Variants in ZNF362 observed in about 807,000 individuals in gnomAD.
ZNF362 encodes zinc finger protein 362.
A neutral mutation model predicts 42.9 loss-of-function variants in ZNF362; 11 were observed. The observed-to-expected ratio is 0.26, with a 90% CI of 0.16 to 0.42. The LOEUF (loss-of-function observed/expected upper bound fraction) is 0.42. ZNF362 is among the 20% of genes least tolerant of loss of function. ZNF362 has a pLI of 1.00. For synonymous variants in ZNF362, 255 were observed against 257.3 expected, an observed-to-expected ratio of 0.99 and a Z score of 0.09; for missense variants, 362 against 576.2, an observed-to-expected ratio of 0.63 and a Z score of 3.81.
At chr1:33,184,509 C>T in the ZNF362 span, among the ~76,000 whole-genome samples, 99 of 152,192 alleles carry the variant, frequency 6.5e-4, no homozygotes, top group African/African-American at 2.3e-3. Context: ...AGAAATAGAC[C>T]TTAAGGCATG....
At chr1:33,222,491 A>G in the ZNF362 span, among the ~76,000 whole-genome samples, 9 of 152,306 alleles carry the variant, frequency 5.9e-5, no homozygotes, top group South Asian at 8.3e-4. Context: ...CATTCGCCAG[A>G]GTGATCTTTT....
chr1:33,193,004 C>CACACACACATATATATATATATATATAT, the ZNF362 span, among the ~76,000 whole-genome samples: 2 of 137,202 alleles, frequency 1.5e-5, no homozygotes, highest in Non-Finnish European at 3.2e-5. Flanking sequence ...CACACACACA[C>CACACACACATATATATATATATATATAT]ATATATATAT....
the ZNF362 span, among the ~76,000 whole-genome samples, chr1:33,183,152 TG>T: frequency 6.6e-6 from 1 of 151,914 alleles, no homozygotes; most frequent in Non-Finnish European, 1.5e-5. Flanking sequence ...GCCTCAGCAG[TG>T]GGTAAGGAGA....
chr1:33,144,135 CTTTTTTTT>C, the ZNF362 span, among the ~76,000 whole-genome samples: 33 of 146,514 alleles, frequency 2.3e-4, no homozygotes, highest in Non-Finnish European at 4.2e-4. Context: ...AATGTTACTT[CTTTTTTTT>C]TTTTTTTTTT....
At chr1:33,268,033 A>G (rs1645876581) in intron 1 of ZNF362, among the ~76,000 whole-genome samples, 2 of 152,106 alleles carry the variant, frequency 1.3e-5, no homozygotes, top group South Asian at 4.1e-4. Context: ...GCATTTTCTT[A>G]TTTCTTTTTC....
intron 6 of ZNF362, among the ~76,000 whole-genome samples, chr1:33,283,121 C>T (rs1244625956): frequency 6.6e-6 from 1 of 151,998 alleles, no homozygotes; most frequent in Non-Finnish European, 1.5e-5. Flanking sequence ...AGGACTAATA[C>T]TATACAGAAG....
At chr1:33,201,852 T>C in the ZNF362 span, among the ~76,000 whole-genome samples, 2 of 152,182 alleles carry the variant, frequency 1.3e-5, no homozygotes, top group Admixed American at 6.5e-5. Flanking sequence ...ACCAGTAAAA[T>C]TGACAAATCT....
the ZNF362 span, among the ~76,000 whole-genome samples, chr1:33,219,916 C>T: frequency 6.6e-6 from 1 of 152,206 alleles, no homozygotes; most frequent in African/African-American, 2.4e-5. Context: ...CCCCAACTCC[C>T]CCTAGATACC....
the ZNF362 span, among the ~76,000 whole-genome samples, chr1:33,153,188 C>T: frequency 2.0e-5 from 3 of 152,278 alleles, no homozygotes; most frequent in African/African-American, 7.2e-5. Context: ...TCCCTGGGGG[C>T]ACCCCTCCCA....
the ZNF362 span, chr1:33,180,976 C>T: frequency 1.8e-6 from 2 of 1,101,880 alleles, no homozygotes; most frequent in South Asian, 1.4e-5. Context: ...CGCCCGGCCC[C>T]ACCTCCAGCC....
the ZNF362 span, among the ~76,000 whole-genome samples, chr1:33,218,232 G>T: frequency 6.6e-6 from 1 of 152,136 alleles, no homozygotes; most frequent in South Asian, 2.1e-4. Flanking sequence ...CTCGAGTTCA[G>T]GAGTTCAAGA....
the ZNF362 span, among the ~76,000 whole-genome samples, chr1:33,171,350 A>G: frequency 6.6e-6 from 1 of 152,150 alleles, no homozygotes; most frequent in Non-Finnish European, 1.5e-5. Flanking sequence ...TCTCACAACA[A>G]TCCACAAGGT....
the ZNF362 span, among the ~76,000 whole-genome samples, chr1:33,130,475 G>C: frequency 6.6e-6 from 1 of 152,180 alleles, no homozygotes; most frequent in Non-Finnish European, 1.5e-5. Flanking sequence ...AGGTCTATGT[G>C]TCAAAGAACA....
the ZNF362 span, among the ~76,000 whole-genome samples, chr1:33,234,573 C>T: frequency 6.6e-6 from 1 of 152,142 alleles, no homozygotes; most frequent in Non-Finnish European, 1.5e-5. Context: ...AGGAAATGGA[C>T]CCTCCGCATC....
At chr1:33,200,156 C>CTA in the ZNF362 span, 1 of 152,198 alleles carries the variant, frequency 6.6e-6, no homozygotes, top group Non-Finnish European at 1.5e-5. Flanking sequence ...AGGTGGTGTA[C>CTA]TATCACTTGA....
intron 2 of ZNF362, among the ~76,000 whole-genome samples, chr1:33,271,838 C>G (rs1645906562): frequency 6.6e-6 from 1 of 152,050 alleles, no homozygotes; most frequent in South Asian, 2.1e-4. Flanking sequence ...ATGGGGATGT[C>G]CCGCTGTGAG....
At chr1:33,233,250 A>C in the ZNF362 span, among the ~76,000 whole-genome samples, 1 of 152,130 alleles carries the variant, frequency 6.6e-6, no homozygotes, top group African/African-American at 2.4e-5. Context: ...TAGTCTATTT[A>C]CTTTCTGCCT....
In ZNF362 at chr1:33,276,272, G is replaced by A. The variant is rs367646947; in HGVS notation, c.103-76G>A. Reference sequence around the variant, plus strand: ...GAGCGGGGTGAGGAGCGAGGGGCTCGCGGGTGGACCAGCGGGCCTGGGCAA... The same window carrying A: ...GAGCGGGGTGAGGAGCGAGGGGCTCACGGGTGGACCAGCGGGCCTGGGCAA... On this transcript the variant is annotated intron_variant, in intron 3 of 8. Transcript: ENST00000539719. 1,249 of 1,563,074 alleles carry A rather than the reference G, an allele frequency of 8.0e-4. 12 individuals are homozygous for A. In the East Asian group the frequency reaches 0.021, roughly 26 times the overall value.
At chr1:33,262,597 G>A (rs561137057) in intron 1 of ZNF362, among the ~76,000 whole-genome samples, 3 of 152,068 alleles carry the variant, frequency 2.0e-5, no homozygotes, top group East Asian at 1.9e-4. Context: ...GTGAGCCACC[G>A]CACCTGGCCG....
Sources: allele counts gnomAD v4.1 joint callset (sites outside exome capture counted in the v4.1 genomes callset), GRCh38; gene constraint gnomAD v4.1.1; transcripts MANE v1.5; gene names NCBI Gene and HGNC (gene_info 2026-07-23, HGNC 2026-07-21).